TLL1: variants seen among roughly 807,000 people sequenced by gnomAD.
TLL1 encodes the protein tolloid like 1, also known as tolloid-like protein 1.
A neutral mutation model predicts 128.2 loss-of-function variants in TLL1; 49 were observed. That is an observed-to-expected ratio of 0.38 (90% CI 0.30 to 0.48). TLL1 has a LOEUF of 0.48. Ranked by LOEUF, TLL1 falls within the 20% of genes least tolerant of loss-of-function variation. TLL1 has a pLI of 0.96. For missense variants in TLL1, 1,123 were observed against 1,242.0 expected, an observed-to-expected ratio of 0.90 and a Z score of 1.44; for synonymous variants, 454 against 418.8, an observed-to-expected ratio of 1.08 and a Z score of -1.03.
intron 15 of TLL1, among the ~76,000 whole-genome samples, chr4:166,060,574 T>C (rs552012210): frequency 1.3e-5 from 2 of 152,322 alleles, no homozygotes; most frequent in East Asian, 3.9e-4. Flanking sequence ...ATTTTACTTA[T>C]GGAAATGGGT....
In TLL1 at chr4:166,065,706, G is replaced by A; in HGVS notation, c.2031G>A (p.Glu677=). 1 of 1,612,970 alleles carries A rather than the reference G, an allele frequency of 6.2e-7. No homozygotes were observed. ...AGGTTTGCAAATATGATTATGTGGA[G>A]ATCTGGAGTGGTCTTTCCTCTGAGT... ...GNEVCKYDYV[E]IWSGLSSESK... is the part of the protein sequence containing the mutation. The change falls in exon 16 of 21, where the codon GAG becomes GAA. Residue 677 remains glutamate, a synonymous_variant. Coordinates refer to ENST00000061240, the MANE Select transcript of TLL1 (RefSeq NM_012464.5).
intron 9 of TLL1, among the ~76,000 whole-genome samples, chr4:166,025,677 T>C (rs186331476): frequency 3.3e-5 from 5 of 152,182 alleles, no homozygotes; most frequent in Admixed American, 3.3e-4. Flanking sequence ...ACAAATGAAA[T>C]TGTGGTAAAA....
intron 8 of TLL1, among the ~76,000 whole-genome samples, chr4:166,018,287 C>T (rs1486003051): frequency 6.6e-6 from 1 of 152,036 alleles, no homozygotes; most frequent in East Asian, 1.9e-4. Context: ...CGTATATAAC[C>T]ATATACATAA....
chr4:165,950,733 G>A (rs1252252022), intron 1 of TLL1, among the ~76,000 whole-genome samples: 1 of 152,026 alleles, frequency 6.6e-6, no homozygotes, highest in African/African-American at 2.4e-5. Flanking sequence ...AAATATATAT[G>A]CAACATCAAT....
chr4:166,076,521 A>G (rs897936744), intron 17 of TLL1, among the ~76,000 whole-genome samples: 1 of 152,220 alleles, frequency 6.6e-6, no homozygotes, highest in Non-Finnish European at 1.5e-5. Flanking sequence ...TTCATAATAG[A>G]TAAAACAACA....
At chr4:165,987,470 A>G (rs1369693721) in intron 1 of TLL1, among the ~76,000 whole-genome samples, 1 of 151,932 alleles carries the variant, frequency 6.6e-6, no homozygotes, top group Non-Finnish European at 1.5e-5. Flanking sequence ...CATCAAAACC[A>G]CCCTCTTAGC....
chr4:166,022,448 T>A (rs1445176313), intron 8 of TLL1, among the ~76,000 whole-genome samples: 1 of 152,194 alleles, frequency 6.6e-6, no homozygotes, highest in Non-Finnish European at 1.5e-5. Flanking sequence ...AGTGCTGAGA[T>A]TACAGGCATG....
intron 9 of TLL1, chr4:166,030,662 C>A: frequency 1.1e-6 from 1 of 938,870 alleles, no homozygotes; most frequent in Non-Finnish European, 1.4e-6. Flanking sequence ...GGTTTTTAAT[C>A]AATATTGTGT....
chr4:166,101,071 A>T lies in TLL1; in HGVS notation c.*195A>T. ...TCATCAGCATTACAAGGATATTTGA[A>T]CTCCATGCTTGATGGTATTAATAAA... On this transcript the variant is annotated 3_prime_UTR_variant, in exon 21 of 21. Transcript: ENST00000061240. The T allele has an allele frequency of 4.8e-6, 3 of 618,756 alleles. No individual in the cohort carries two copies. The East Asian group carries it at 9.2e-5, about 19-fold the overall frequency. The allele number at this position is 618,756 out of a possible 1,614,324, so 38.3% of individuals were successfully genotyped here.
At chr4:166,015,043 G>A (rs762830877) in intron 8 of TLL1, among the ~76,000 whole-genome samples, 6 of 151,804 alleles carry the variant, frequency 4.0e-5, no homozygotes, top group East Asian at 1.9e-4. Context: ...TGTTCTAACC[G>A]GTTGCAAGTG....
chr4:166,006,975 C>T (rs1298857605), intron 6 of TLL1, among the ~76,000 whole-genome samples: 3 of 151,582 alleles, frequency 2.0e-5, no homozygotes, highest in African/African-American at 7.3e-5. Flanking sequence ...AATTAAAAAC[C>T]TAAGTAGATG....
chr4:166,054,604 C>A (rs763373279), intron 12 of TLL1, among the ~76,000 whole-genome samples: 7 of 140,474 alleles, frequency 5.0e-5, no homozygotes, highest in Non-Finnish European at 1.1e-4. Flanking sequence ...TGTGATGTTC[C>A]CCTTCCTGAG....
intron 12 of TLL1, among the ~76,000 whole-genome samples, chr4:166,052,261 G>A (rs1436482207): frequency 6.6e-6 from 1 of 151,974 alleles, no homozygotes; most frequent in Non-Finnish European, 1.5e-5. Flanking sequence ...ACACTAGCCT[G>A]ATTTCTAATA....
At position 166,029,572 on chromosome 4, in the gene TLL1, T is replaced by A. The variant is rs991366118; in HGVS notation, c.1158+4141T>A. 2.6e-5 allele frequency among the ~76,000 whole-genome samples: 4 copies of A among 152,070 alleles called. No homozygotes were observed. In the East Asian group the frequency reaches 7.7e-4, roughly 29 times the overall value. On this transcript the variant is annotated intron_variant, in intron 9 of 20. Transcript: ENST00000061240. ...CCATTTTTAGGTGTACAGTTCAGTATGTTAAGTATATTCACTTTGTTGTGA... is the reference window on the plus strand; with the variant it reads ...CCATTTTTAGGTGTACAGTTCAGTAAGTTAAGTATATTCACTTTGTTGTGA...
intron 18 of TLL1, among the ~76,000 whole-genome samples, chr4:166,084,830 G>A (rs1741428873): frequency 6.6e-6 from 1 of 151,720 alleles, no homozygotes; most frequent in Non-Finnish European, 1.5e-5. Context: ...TTCTAACTTT[G>A]GTTTTTTTGT....
chr4:165,977,544 T>C (rs1181524764), intron 1 of TLL1, among the ~76,000 whole-genome samples: 1 of 152,126 alleles, frequency 6.6e-6, no homozygotes, highest in Non-Finnish European at 1.5e-5. Context: ...ATTTTTATGG[T>C]CTCAGGAAAA....
chr4:165,904,336 T>G (rs1291168661), intron 1 of TLL1, among the ~76,000 whole-genome samples: 1 of 152,212 alleles, frequency 6.6e-6, no homozygotes, highest in Non-Finnish European at 1.5e-5. Context: ...GTCTCTTGGT[T>G]TCTAATTTTG....
intron 1 of TLL1, among the ~76,000 whole-genome samples, chr4:165,953,434 T>C (rs1734623020): frequency 6.6e-6 from 1 of 151,908 alleles, no homozygotes; most frequent in Non-Finnish European, 1.5e-5. Context: ...TCTACCTGCC[T>C]CTCCTCAGCT....
At chr4:166,063,841 T>A (rs962562181) in intron 15 of TLL1, among the ~76,000 whole-genome samples, 1 of 151,988 alleles carries the variant, frequency 6.6e-6, no homozygotes, top group Admixed American at 6.6e-5. Flanking sequence ...CACCGGGGCC[T>A]GTCATAAGGT....
Sources: gnomAD v4.1 joint callset for allele counts (sites outside exome capture counted in the v4.1 genomes callset) on GRCh38, gnomAD v4.1.1 for gene constraint, MANE v1.5 for transcripts, NCBI Gene and HGNC (gene_info 2026-07-23, HGNC 2026-07-21) for gene names.